LYRM4: variants seen among roughly 807,000 people sequenced by gnomAD.
The protein encoded by LYRM4 is LYR motif-containing protein 4.
LYRM4 carries 9 observed loss-of-function variants against 11.7 expected under a neutral mutation model. The observed-to-expected ratio is 0.77, with a 90% confidence interval of 0.46 to 1.34. The LOEUF (loss-of-function observed/expected upper bound fraction) is 1.34. Among genes scored for constraint, LYRM4 ranks in the 40% most tolerant of loss-of-function variants. The pLI, the probability that LYRM4 is intolerant of heterozygous loss-of-function variation, is 0.00. For synonymous variants in LYRM4, 42 were observed against 40.4 expected, an observed-to-expected ratio of 1.04 and a Z score of -0.15; for missense variants, 133 against 112.5, an observed-to-expected ratio of 1.18 and a Z score of -0.82.
intron 2 of LYRM4, among the ~76,000 whole-genome samples, chr6:5,143,800 C>T (rs1052830816): frequency 2.0e-5 from 3 of 151,640 alleles, no homozygotes; most frequent in Non-Finnish European, 3.0e-5. Flanking sequence ...AGAAAGCATG[C>T]GGCCAGCAGA....
chr6:5,043,852 C>A, the LYRM4 span, among the ~76,000 whole-genome samples: 2 of 152,186 alleles, frequency 1.3e-5, no homozygotes, highest in Non-Finnish European at 2.9e-5. Flanking sequence ...TTAGGGACAG[C>A]CCCTATACCC....
At chr6:5,149,529 C>T (rs1255632364) in intron 2 of LYRM4, among the ~76,000 whole-genome samples, 9 of 151,216 alleles carry the variant, frequency 6.0e-5, no homozygotes, top group Non-Finnish European at 1.3e-4. Context: ...AACCACTGAT[C>T]CTTATTGCTT....
chr6:5,070,936 A>G, the LYRM4 span, among the ~76,000 whole-genome samples: 21 of 151,584 alleles, frequency 1.4e-4, 1 homozygote, highest in South Asian at 4.0e-3. Context: ...TCACACCTGT[A>G]ATAACAGCAC....
At chr6:5,236,508 A>T (rs936483349) in intron 1 of LYRM4, 1 of 152,052 alleles carries the variant, frequency 6.6e-6, no homozygotes, top group African/African-American at 2.4e-5. Flanking sequence ...ATTTTCTGAA[A>T]CCAAAGTTTT....
At chr6:5,184,958 T>C (rs1760297909) in intron 2 of LYRM4, among the ~76,000 whole-genome samples, 1 of 152,150 alleles carries the variant, frequency 6.6e-6, no homozygotes, top group South Asian at 2.1e-4. Flanking sequence ...TCGCACGAGG[T>C]TGCTACCTCT....
chr6:5,086,107 G>T, the LYRM4 span: 1 of 1,462,064 alleles, frequency 6.8e-7, no homozygotes, highest in Non-Finnish European at 9.0e-7. Context: ...GGGGCCGAGC[G>T]CCGCGGCCGA....
At chr6:5,119,064 A>G (rs1253618586) in intron 2 of LYRM4, among the ~76,000 whole-genome samples, 1 of 152,180 alleles carries the variant, frequency 6.6e-6, no homozygotes, top group Non-Finnish European at 1.5e-5. Flanking sequence ...CCAGGGGTGC[A>G]TCTTTTTGCT....
intron 2 of LYRM4, among the ~76,000 whole-genome samples, chr6:5,215,379 T>C (rs1213961328): frequency 6.6e-6 from 1 of 152,220 alleles, no homozygotes; most frequent in African/African-American, 2.4e-5. Flanking sequence ...CTCATATAAA[T>C]GCCACTCTCA....
chr6:5,255,007 A>T (rs140860584), intron 1 of LYRM4, among the ~76,000 whole-genome samples: 1 of 152,234 alleles, frequency 6.6e-6, no homozygotes, highest in East Asian at 1.9e-4. Context: ...CTGCTCTGGT[A>T]ATGGTACCAG....
At chr6:5,178,804 CAAAA>C (rs56880549) in intron 2 of LYRM4, among the ~76,000 whole-genome samples, 643 of 29,798 alleles carry the variant, frequency 0.022, 1 homozygote, top group African/African-American at 0.062. Context: ...GACTCTGTCT[CAAAA>C]AAAAAAAAAA....
chr6:5,112,886 G>T (rs1762948292), intron 2 of LYRM4, among the ~76,000 whole-genome samples: 1 of 152,196 alleles, frequency 6.6e-6, no homozygotes, highest in Non-Finnish European at 1.5e-5. Flanking sequence ...ACAGAAATGG[G>T]CTGAGTGTGG....
At chr6:5,036,001 A>C in the LYRM4 span, among the ~76,000 whole-genome samples, 7 of 151,382 alleles carry the variant, frequency 4.6e-5, no homozygotes, top group Admixed American at 4.0e-4. Context: ...ATATTTGCTG[A>C]TAAAAAGCAA....
chr6:5,079,521 T>C, the LYRM4 span, among the ~76,000 whole-genome samples: 49 of 152,254 alleles, frequency 3.2e-4, no homozygotes, highest in Non-Finnish European at 6.5e-4. Context: ...TCACGTGTTC[T>C]GATCCCCTTC....
At chr6:5,063,930 G>A in the LYRM4 span, among the ~76,000 whole-genome samples, 4 of 152,206 alleles carry the variant, frequency 2.6e-5, no homozygotes, top group Admixed American at 6.5e-5. Context: ...TCTGGGCGAA[G>A]GGGTTGACTT....
chr6:5,253,186 ACACTT>A (rs1339675184), intron 1 of LYRM4, among the ~76,000 whole-genome samples: 1 of 152,238 alleles, frequency 6.6e-6, no homozygotes, highest in South Asian at 2.1e-4. Context: ...TTCTGACACT[ACACTT>A]GGTATGCATT....
chr6:5,154,784 A>G (rs1341856281), intron 2 of LYRM4, among the ~76,000 whole-genome samples: 3 of 152,032 alleles, frequency 2.0e-5, no homozygotes, highest in Non-Finnish European at 2.9e-5. Flanking sequence ...GCGCCACTGC[A>G]CTCCAGCCTG....
At chr6:5,120,672 G>T (rs1763408585) in intron 2 of LYRM4, among the ~76,000 whole-genome samples, 1 of 152,000 alleles carries the variant, frequency 6.6e-6, no homozygotes, top group South Asian at 2.1e-4. Context: ...ATTTTACAGG[G>T]TGCTGATTGG....
chr6:5,228,846 A>C (rs1371495266), intron 1 of LYRM4, among the ~76,000 whole-genome samples: 1 of 148,970 alleles, frequency 6.7e-6, no homozygotes, highest in South Asian at 2.1e-4. Flanking sequence ...TAAAAATACA[A>C]AAAAAAAATT....
At chr6:5,135,034 C>T (rs188623445) in intron 2 of LYRM4, among the ~76,000 whole-genome samples, 3,876 of 65,294 alleles carry the variant, frequency 0.059, 375 homozygotes, top group South Asian at 0.15. Context: ...GGATCGCTCC[C>T]GGGGCTGTGG....
Sources: gnomAD v4.1 joint callset for allele counts (sites outside exome capture counted in the v4.1 genomes callset) on GRCh38, gnomAD v4.1.1 for gene constraint, MANE v1.5 for transcripts, NCBI Gene and HGNC (gene_info 2026-07-23, HGNC 2026-07-21) for gene names.